R3HCC1L: variants seen among roughly 807,000 people sequenced by gnomAD.
The protein encoded by R3HCC1L is coiled-coil domain-containing protein R3HCC1L.
R3HCC1L carries 51 observed loss-of-function variants against 59.9 expected under a neutral mutation model. The observed-to-expected ratio is 0.85, with a 90% CI of 0.68 to 1.07. The LOEUF (loss-of-function observed/expected upper bound fraction) is 1.07. R3HCC1L is among the 50% of genes least tolerant of loss of function. The pLI is 0.00. For synonymous variants in R3HCC1L, 322 were observed against 315.2 expected (o/e 1.02, Z -0.23); for missense variants, 965 against 933.0 (o/e 1.03, Z -0.45).
chr10:98,148,208 A>G (rs1360274992), intron 1 of R3HCC1L, among the ~76,000 whole-genome samples: 1 of 152,164 alleles, frequency 6.6e-6, no homozygotes, highest in African/African-American at 2.4e-5. Flanking sequence ...CTATTGGCAT[A>G]TATAAATCTA....
chr10:98,222,471 A>G (rs527726372), intron 5 of R3HCC1L, among the ~76,000 whole-genome samples: 1 of 152,024 alleles, frequency 6.6e-6, no homozygotes, highest in East Asian at 1.9e-4. Context: ...TTTCAAAGGG[A>G]ATGCTTCCAG....
At chr10:98,174,893 G>C in intron 4 of R3HCC1L, 1 of 562,026 alleles carries the variant, frequency 1.8e-6, no homozygotes, top group Non-Finnish European at 2.3e-6. Flanking sequence ...GGAATTGCCA[G>C]ATTACCTTGG....
chr10:98,207,010 G>C (rs1199302549), intron 4 of R3HCC1L, among the ~76,000 whole-genome samples: 2 of 152,206 alleles, frequency 1.3e-5, no homozygotes, highest in Admixed American at 1.3e-4. Context: ...TGAGAATAGA[G>C]CTTTTTCATC....
intron 1 of R3HCC1L, among the ~76,000 whole-genome samples, chr10:98,154,117 T>C (rs1304452191): frequency 6.8e-6 from 1 of 147,358 alleles, no homozygotes; most frequent in African/African-American, 2.5e-5. Flanking sequence ...CATTACTCTG[T>C]GGATATCATG....
At chr10:98,152,252 G>C (rs1175985800) in intron 1 of R3HCC1L, among the ~76,000 whole-genome samples, 1 of 152,226 alleles carries the variant, frequency 6.6e-6, no homozygotes, top group Admixed American at 6.5e-5. Flanking sequence ...TGTTCACTCA[G>C]TGCTCAATGT....
chr10:98,183,627 A>T (rs1849888811), intron 4 of R3HCC1L, among the ~76,000 whole-genome samples: 1 of 151,786 alleles, frequency 6.6e-6, no homozygotes, highest in Non-Finnish European at 1.5e-5. Context: ...TAGCACTTGG[A>T]TGTTCTCTTC....
intron 4 of R3HCC1L, among the ~76,000 whole-genome samples, chr10:98,192,555 T>C (rs1307483199): frequency 1.3e-5 from 2 of 152,244 alleles, no homozygotes; most frequent in Admixed American, 1.3e-4. Context: ...TGAAAGAAAC[T>C]GATAGATTTC....
At chr10:98,225,070 T>C (rs574111649) in intron 5 of R3HCC1L, among the ~76,000 whole-genome samples, 1 of 152,344 alleles carries the variant, frequency 6.6e-6, no homozygotes, top group Admixed American at 6.5e-5. Context: ...TTTTTTTTTG[T>C]ATTAAGTCTT....
chr10:98,228,643 C>T (rs1855969886), intron 5 of R3HCC1L, among the ~76,000 whole-genome samples: 1 of 152,148 alleles, frequency 6.6e-6, no homozygotes, highest in Admixed American at 6.6e-5. Context: ...GTGTTTTAGA[C>T]ATGAAGTCCT....
At chr10:98,237,914 TC>T (rs1857137560) in intron 9 of R3HCC1L, among the ~76,000 whole-genome samples, 5 of 152,290 alleles carry the variant, frequency 3.3e-5, no homozygotes, top group South Asian at 4.2e-4. Context: ...GAATCTCACT[TC>T]CTGGGTCCAC....
At chr10:98,165,280 A>G (rs1463226913) in intron 4 of R3HCC1L, among the ~76,000 whole-genome samples, 3 of 152,214 alleles carry the variant, frequency 2.0e-5, no homozygotes, top group Non-Finnish European at 4.4e-5. Context: ...ATCAAATAAC[A>G]AAAAACCCTG....
intron 1 of R3HCC1L, among the ~76,000 whole-genome samples, chr10:98,143,305 A>G (rs923343538): frequency 2.6e-5 from 4 of 152,230 alleles, no homozygotes; most frequent in Admixed American, 6.5e-5. Flanking sequence ...CTCTCTTACC[A>G]TCACACGTAA....
At chr10:98,196,218 A>G (rs2134988077) in intron 4 of R3HCC1L, among the ~76,000 whole-genome samples, 1 of 152,278 alleles carries the variant, frequency 6.6e-6, no homozygotes, top group Non-Finnish European at 1.5e-5. Flanking sequence ...TGCCTTTATT[A>G]CAGTTAACCC....
chr10:98,225,077 T>G (rs188927705), intron 5 of R3HCC1L, among the ~76,000 whole-genome samples: 4 of 152,326 alleles, frequency 2.6e-5, no homozygotes, highest in African/African-American at 7.2e-5. Context: ...TTGTATTAAG[T>G]CTTGAAATCT....
chr10:98,174,354 A>C (rs1848793980), intron 4 of R3HCC1L: 2 of 377,122 alleles, frequency 5.3e-6, no homozygotes, highest in Non-Finnish European at 7.3e-6. Flanking sequence ...ACTTCCAGGA[A>C]GTTATTGAAT....
chr10:98,147,465 T>TA (rs1845773892), intron 1 of R3HCC1L, among the ~76,000 whole-genome samples: 1 of 152,178 alleles, frequency 6.6e-6, no homozygotes, highest in Non-Finnish European at 1.5e-5. Context: ...TTTGAGGTCT[T>TA]ACACAAAAAA....
intron 5 of R3HCC1L, among the ~76,000 whole-genome samples, chr10:98,223,385 AT>A (rs1363222777): frequency 4.6e-5 from 7 of 152,074 alleles, no homozygotes; most frequent in African/African-American, 1.7e-4. Flanking sequence ...TTTATTTTTC[AT>A]TGGAATGTTG....
intron 4 of R3HCC1L, among the ~76,000 whole-genome samples, chr10:98,181,820 G>T (rs1400875113): frequency 6.6e-6 from 1 of 152,172 alleles, no homozygotes; most frequent in Non-Finnish European, 1.5e-5. Flanking sequence ...TGAAGCTTGT[G>T]CATGAGTCAC....
intron 5 of R3HCC1L, chr10:98,230,951 A>G: frequency 3.0e-6 from 1 of 331,958 alleles, no homozygotes; most frequent in Non-Finnish European, 6.0e-6. Flanking sequence ...TGCTAAGGAC[A>G]TTAAGTATAA....
Sources: gnomAD v4.1 joint callset for allele counts (sites outside exome capture counted in the v4.1 genomes callset) on GRCh38, gnomAD v4.1.1 for gene constraint, MANE v1.5 for transcripts, NCBI Gene and HGNC (gene_info 2026-07-23, HGNC 2026-07-21) for gene names.